Variants in VAT1L observed in about 807,000 individuals in gnomAD.
VAT1L encodes vesicle amine transport 1 like, also known as putative NADPH-dependent quinone oxidoreductase VAT1L.
In VAT1L, 34 loss-of-function variants were observed where a neutral mutation model predicts 44.1. The observed-to-expected ratio is 0.77, with a 90% CI of 0.59 to 1.03. VAT1L has a LOEUF of 1.03. Ranked by LOEUF, VAT1L falls within the 50% of genes least tolerant of loss-of-function variation. VAT1L has a pLI of 0.00. For synonymous variants in VAT1L, 253 were observed against 202.2 expected (o/e 1.25, Z -2.13); for missense variants, 615 against 538.8 (o/e 1.14, Z -1.40).
chr16:77,837,113 G>A (rs1311451451), intron 3 of VAT1L, among the ~76,000 whole-genome samples: 1 of 152,150 alleles, frequency 6.6e-6, no homozygotes, highest in Non-Finnish European at 1.5e-5. Context: ...TGACAGGTAG[G>A]CAGTGCTGAA....
At chr16:77,907,715 C>G (rs1230969023) in intron 7 of VAT1L, among the ~76,000 whole-genome samples, 1 of 152,158 alleles carries the variant, frequency 6.6e-6, no homozygotes, top group African/African-American at 2.4e-5. Context: ...AGTTAATTTA[C>G]AAGCTCAGTA....
At chr16:77,956,182 T>C (rs556624858) in intron 7 of VAT1L, among the ~76,000 whole-genome samples, 1 of 152,198 alleles carries the variant, frequency 6.6e-6, no homozygotes, top group Non-Finnish European at 1.5e-5. Flanking sequence ...AAACATCTCA[T>C]GTACCCCATA....
chr16:77,902,629 A>G lies in VAT1L; in HGVS notation c.1077+17827A>G, dbSNP rs2017394270. Among the ~76,000 whole-genome samples, 4 of 151,766 alleles carry G rather than the reference A, an allele frequency of 2.6e-5. No homozygotes were observed. In the South Asian group the frequency reaches 8.3e-4, roughly 32 times the overall value. On this transcript the variant is annotated intron_variant, in intron 7 of 8. Coordinates refer to ENST00000302536, the MANE Select transcript of VAT1L (RefSeq NM_020927.3). ...GATGGCCCCTACCAGAAGAAGTGCT[A>G]AAAAGAAAATAGATCAATCAATCAA...
intron 3 of VAT1L, among the ~76,000 whole-genome samples, chr16:77,861,672 G>A (rs1177515970): frequency 2.0e-5 from 3 of 152,218 alleles, no homozygotes; most frequent in South Asian, 2.1e-4. Flanking sequence ...TTAACATGCC[G>A]AAGGTTGCTT....
intron 1 of VAT1L, among the ~76,000 whole-genome samples, chr16:77,792,106 TC>T (rs1480218440): frequency 6.6e-6 from 1 of 152,142 alleles, no homozygotes; most frequent in African/African-American, 2.4e-5. Context: ...AAAATGAACT[TC>T]ATGGTATTGT....
At chr16:77,961,571 C>T (rs1175621464) in intron 7 of VAT1L, among the ~76,000 whole-genome samples, 1 of 152,184 alleles carries the variant, frequency 6.6e-6, no homozygotes, top group African/African-American at 2.4e-5. Flanking sequence ...GGTAGCACCA[C>T]GGTTCTTCAT....
At chr16:77,885,551 G>T (rs968892569) in intron 7 of VAT1L, among the ~76,000 whole-genome samples, 1 of 151,994 alleles carries the variant, frequency 6.6e-6, no homozygotes, top group African/African-American at 2.4e-5. Context: ...GAGGCATTTC[G>T]CTAAGAAACC....
intron 7 of VAT1L, among the ~76,000 whole-genome samples, chr16:77,895,484 GC>G (rs1385867277): frequency 6.6e-6 from 1 of 152,246 alleles, no homozygotes; most frequent in East Asian, 1.9e-4. Context: ...TAAGAGAGAG[GC>G]AGGAGGGTTG....
In VAT1L at chr16:77,788,667, C is replaced by T. The variant is rs1172239667; in HGVS notation, c.-16C>T. On this transcript the variant is annotated 5_prime_UTR_variant, in exon 1 of 9. Transcript: ENST00000302536. ...CGCAGCCACCGCAGCCCGTGCGCCC[C>T]GCGCCCTCGAGCGCCATGGCCAAGG... 1 of 1,547,374 alleles carries T rather than the reference C, an allele frequency of 6.5e-7. No homozygotes were observed.
chr16:77,882,183 G>C (rs1265657764), intron 6 of VAT1L: 2 of 151,982 alleles, frequency 1.3e-5, no homozygotes, highest in African/African-American at 4.8e-5. Context: ...AAAAGTCCTA[G>C]AAAAAAAATT....
In VAT1L at chr16:77,960,721, C is replaced by T. The variant is rs115089223; in HGVS notation, c.1078-11129C>T. ...GCCAGAGAATGGAAGAGTGGAGGAA[C>T]CCCCTATTGATAACCAAGACCCCAA... On this transcript the variant is annotated intron_variant, in intron 7 of 8. Coordinates refer to ENST00000302536, the MANE Select transcript of VAT1L (RefSeq NM_020927.3). 2.3e-3 allele frequency among the ~76,000 whole-genome samples: 356 copies of T among 152,164 alleles called. 4 individuals are homozygous for T. Among genetic ancestry groups the T allele is most frequent in the African/African-American group, 7.9e-3 (330 of 41,516 alleles).
At chr16:77,847,078 G>A (rs538138921) in intron 3 of VAT1L, among the ~76,000 whole-genome samples, 1 of 152,284 alleles carries the variant, frequency 6.6e-6, no homozygotes, top group South Asian at 2.1e-4. Flanking sequence ...GTCAGAGTAG[G>A]TCCTTCTGCA....
intron 7 of VAT1L, among the ~76,000 whole-genome samples, chr16:77,899,674 CTGAG>C (rs754573327): frequency 3.3e-5 from 5 of 152,216 alleles, no homozygotes; most frequent in Non-Finnish European, 7.3e-5. Context: ...CAGACACCAA[CTGAG>C]TGAGGATGGG....
chr16:77,864,317 G>T (rs1473582346), intron 4 of VAT1L, among the ~76,000 whole-genome samples: 1 of 152,030 alleles, frequency 6.6e-6, no homozygotes, highest in Non-Finnish European at 1.5e-5. Context: ...ACAAGGCTGG[G>T]CACAGTGGCT....
chr16:77,794,644 A>G (rs1435482975), intron 1 of VAT1L, among the ~76,000 whole-genome samples: 1 of 152,198 alleles, frequency 6.6e-6, no homozygotes, highest in Non-Finnish European at 1.5e-5. Context: ...AGTGGCATCC[A>G]TGAGGTTAAG....
chr16:77,938,797 C>G (rs1233158796), intron 7 of VAT1L, among the ~76,000 whole-genome samples: 2 of 152,166 alleles, frequency 1.3e-5, no homozygotes, highest in Non-Finnish European at 2.9e-5. Context: ...TGAGAACAGA[C>G]TAATACAGCA....
chr16:77,968,186 G>A (rs552660700), intron 7 of VAT1L, among the ~76,000 whole-genome samples: 1 of 152,156 alleles, frequency 6.6e-6, no homozygotes, highest in Admixed American at 6.5e-5. Flanking sequence ...AGCTTAGTTG[G>A]TCCTTTGATT....
intron 7 of VAT1L, among the ~76,000 whole-genome samples, chr16:77,885,281 G>A (rs1042451139): frequency 6.6e-6 from 1 of 152,176 alleles, no homozygotes; most frequent in African/African-American, 2.4e-5. Flanking sequence ...GTCTAAAGTT[G>A]GATTGAGTCT....
intron 3 of VAT1L, among the ~76,000 whole-genome samples, chr16:77,828,569 A>G (rs986954193): frequency 1.3e-5 from 2 of 152,236 alleles, no homozygotes; most frequent in African/African-American, 4.8e-5. Context: ...AGGCTGAGGC[A>G]GGAGAATCGC....
Sources: gnomAD v4.1 joint callset for allele counts (sites outside exome capture counted in the v4.1 genomes callset) on GRCh38, gnomAD v4.1.1 for gene constraint, MANE v1.5 for transcripts, NCBI Gene and HGNC (gene_info 2026-07-23, HGNC 2026-07-21) for gene names.